The following EDEM3 variants were observed in gnomAD, a reference collection of about 807,000 sequenced individuals.
EDEM3 encodes the protein ER degradation-enhancing alpha-mannosidase-like protein 3.
Under a neutral mutation model 110.2 loss-of-function variants are expected in EDEM3, and 60 were observed. The observed-to-expected ratio is 0.54, with a 90% CI of 0.44 to 0.67. EDEM3 has a LOEUF of 0.67. EDEM3 is among the 30% of genes least tolerant of loss of function. EDEM3 has a pLI of 0.00. For missense variants in EDEM3, 996 were observed against 1,121.0 expected, an observed-to-expected ratio of 0.89 and a Z score of 1.59; for synonymous variants, 352 against 382.9, an observed-to-expected ratio of 0.92 and a Z score of 0.94.
chr1:184,752,352 A>C (rs1652817037), intron 1 of EDEM3, among the ~76,000 whole-genome samples: 1 of 152,156 alleles, frequency 6.6e-6, no homozygotes, highest in Non-Finnish European at 1.5e-5. Flanking sequence ...TTTTATCATG[A>C]ATCATTATTT....
chr1:184,696,353 CCCCTTTCA>C (rs1205237729), intron 19 of EDEM3, among the ~76,000 whole-genome samples: 1 of 151,936 alleles, frequency 6.6e-6, no homozygotes, highest in African/African-American at 2.4e-5. Flanking sequence ...AACCACCTGT[CCCCTTTCA>C]TATTTTGTAT....
chr1:184,720,940 T>C (rs1650865810), intron 9 of EDEM3: 1 of 191,248 alleles, frequency 5.2e-6, no homozygotes. Flanking sequence ...ACTTCCAAGA[T>C]TTCAAAAAGA....
chr1:184,697,250 G>A (rs12184284), intron 19 of EDEM3, among the ~76,000 whole-genome samples: 46,232 of 151,542 alleles, frequency 0.31, 8,571 homozygotes, highest in East Asian at 0.55. Flanking sequence ...AAATTTATAG[G>A]TATATTCTTA....
chr1:184,748,578 A>G (rs1241463564), intron 2 of EDEM3, among the ~76,000 whole-genome samples: 1 of 152,260 alleles, frequency 6.6e-6, no homozygotes, highest in Non-Finnish European at 1.5e-5. Context: ...AAAAACATTA[A>G]GAACTCAAAA....
At position 184,737,661 on chromosome 1, in the gene EDEM3, T is replaced by C; in HGVS notation, c.255A>G (p.Arg85=). 1 of 1,614,024 alleles carries C rather than the reference T, an allele frequency of 6.2e-7. No individual in the cohort carries two copies. Among genetic ancestry groups the C allele is most frequent in the South Asian group, 1.1e-5 (1 of 91,082 alleles). The stretch of plus-strand genomic sequence containing the variant: ...CGCGACTTGGCTCTTGGCCTCTAAC[T>C]CGACCTCTACAGGTTAAAGGCATGA... ...DELMPLTCRG[R]VRGQEPSRGD... The change falls in exon 3 of 20, where the codon CGA becomes CGG. Residue 85 remains arginine, a synonymous_variant. Coordinates refer to ENST00000318130, the MANE Select transcript of EDEM3 (RefSeq NM_025191.4).
At chr1:184,749,949 T>G (rs961445163) in intron 1 of EDEM3, among the ~76,000 whole-genome samples, 1 of 152,222 alleles carries the variant, frequency 6.6e-6, no homozygotes, top group Non-Finnish European at 1.5e-5. Flanking sequence ...GTATCTGTCT[T>G]GAAGCGGGGG....
intron 1 of EDEM3, among the ~76,000 whole-genome samples, chr1:184,750,101 T>C (rs1441148829): frequency 6.6e-6 from 1 of 152,218 alleles, no homozygotes. Context: ...TGCACTTACA[T>C]TGAATAAACC....
In EDEM3 at chr1:184,699,003, T is replaced by C. The variant is rs529147578; in HGVS notation, c.2389+3808A>G. Among the ~76,000 whole-genome samples, 10 of 152,044 alleles carry C rather than the reference T, an allele frequency of 6.6e-5. No individual in the cohort carries two copies. The East Asian group carries it at 1.7e-3, about 26-fold the overall frequency. ...CCTAAGGTGCCTGTTTTCACCAGTA[T>C]GTGAGATCAAAGTCGTAAGAGCATA... On this transcript the variant is annotated intron_variant, in intron 19 of 19. Coordinates refer to ENST00000318130, the MANE Select transcript of EDEM3 (RefSeq NM_025191.4).
At chr1:184,752,264 A>G (rs60400761) in intron 1 of EDEM3, among the ~76,000 whole-genome samples, 16,173 of 152,226 alleles carry the variant, frequency 0.11, 1,820 homozygotes, top group African/African-American at 0.29. Flanking sequence ...GCAATTGCTT[A>G]CTATTCATGA....
intron 7 of EDEM3, among the ~76,000 whole-genome samples, chr1:184,725,078 T>G (rs944540356): frequency 6.6e-6 from 1 of 152,204 alleles, no homozygotes; most frequent in Non-Finnish European, 1.5e-5. Context: ...AGGCAGTGGC[T>G]GCACTTTGCT....
At position 184,707,683 on chromosome 1, in the gene EDEM3, C is replaced by G. The variant is rs140606294; in HGVS notation, c.2037+470G>C. On this transcript the variant is annotated intron_variant, in intron 17 of 19. Transcript: ENST00000318130. ...TAAGTCTTTGTTTTCTACGTTATAACTATGTTACAACTATAGAGGATGGAC... is the reference window on the plus strand; with the variant it reads ...TAAGTCTTTGTTTTCTACGTTATAAGTATGTTACAACTATAGAGGATGGAC... Among the ~76,000 whole-genome samples, 37 of 152,274 alleles carry G rather than the reference C, an allele frequency of 2.4e-4. No homozygotes were observed. In the East Asian group the frequency reaches 6.8e-3, roughly 28 times the overall value.
At chr1:184,711,934 T>A (rs1426633866) in intron 14 of EDEM3, 57 bp from the exon 15 acceptor site, 2 of 1,432,654 alleles carry the variant, frequency 1.4e-6, no homozygotes, top group Non-Finnish European at 1.9e-6. Flanking sequence ...TAACATAATT[T>A]TTTTTTTTTT....
chr1:184,745,301 G>A (rs1399852047), intron 2 of EDEM3, among the ~76,000 whole-genome samples: 1 of 151,920 alleles, frequency 6.6e-6, no homozygotes, highest in African/African-American at 2.4e-5. Context: ...ACTCATAGAT[G>A]ATAGTCCCAC....
At chr1:184,711,368 C>T (rs1329018913) in intron 15 of EDEM3, among the ~76,000 whole-genome samples, 1 of 152,112 alleles carries the variant, frequency 6.6e-6, no homozygotes, top group Non-Finnish European at 1.5e-5. Flanking sequence ...CCAGTGTCCT[C>T]AGATTACAGG....
chr1:184,716,777 G>A (rs1650573835), intron 13 of EDEM3, 111 bp downstream of exon 13: 1 of 1,423,844 alleles, frequency 7.0e-7, no homozygotes, highest in Admixed American at 2.3e-5. Context: ...AAGGAACAAA[G>A]GTTTCTATCC....
intron 13 of EDEM3, among the ~76,000 whole-genome samples, chr1:184,716,526 C>A (rs1166647153): frequency 6.6e-6 from 1 of 152,102 alleles, no homozygotes; most frequent in Non-Finnish European, 1.5e-5. Context: ...CATTCCAGAT[C>A]ATTCCTCATC....
intron 1 of EDEM3, 82 bp from the exon 2 acceptor site, chr1:184,749,674 CT>C: frequency 8.7e-7 from 1 of 1,150,616 alleles, no homozygotes; most frequent in Non-Finnish European, 1.2e-6. Context: ...AAAGTTAATT[CT>C]TCCTCATAAA....
intron 8 of EDEM3, among the ~76,000 whole-genome samples, chr1:184,721,903 G>A (rs1262658437): frequency 1.3e-5 from 2 of 151,644 alleles, no homozygotes; most frequent in East Asian, 3.9e-4. Flanking sequence ...ACCAACTCTA[G>A]ACAAAAATGA....
In EDEM3 at chr1:184,702,897, A is replaced by C. The variant is rs765642179; in HGVS notation, c.2303T>G (p.Phe768Cys). The change falls in exon 19 of 20, where the codon TTC becomes TGC. Residue 768 changes from phenylalanine to cysteine, a missense_variant. Coordinates refer to ENST00000318130, the MANE Select transcript of EDEM3 (RefSeq NM_025191.4). Reference sequence around the variant, plus strand: ...CAGTATGATACTTCCTTCTTTGCTGAATAAGAACAGCATGGGGATCTTGAT... The same window carrying C: ...CAGTATGATACTTCCTTCTTTGCTGCATAAGAACAGCATGGGGATCTTGAT... ...DDIKIPMLFL[F>C]SKEGSIILDA... 1.9e-6 allele frequency: 3 copies of C among 1,613,580 alleles called. No individual in the cohort carries two copies. Among genetic ancestry groups the C allele is most frequent in the Non-Finnish European group, 2.5e-6 (3 of 1,179,790 alleles).
Sources: gnomAD v4.1 joint callset for allele counts (sites outside exome capture counted in the v4.1 genomes callset) on GRCh38, gnomAD v4.1.1 for gene constraint, MANE v1.5 for transcripts, NCBI Gene and HGNC (gene_info 2026-07-23, HGNC 2026-07-21) for gene names.